Variants in PROP1 observed in about 807,000 individuals in gnomAD.
The protein encoded by PROP1 is PROP paired-like homeobox 1.
In PROP1, 12 loss-of-function variants were observed where a neutral mutation model predicts 22.3. That is an observed-to-expected ratio of 0.54 (90% CI 0.34 to 0.87). The LOEUF (loss-of-function observed/expected upper bound fraction) is 0.87. PROP1 is among the 40% of genes least tolerant of loss of function. The pLI is 0.01. For synonymous variants in PROP1, 112 were observed against 116.7 expected (o/e 0.96, Z 0.26); for missense variants, 278 against 295.1 (o/e 0.94, Z 0.43).
chr5:177,993,181 G>T, intron 2 of PROP1, 134 bp from the exon 3 acceptor site: 2 of 816,242 alleles, frequency 2.5e-6, no homozygotes, highest in East Asian at 5.3e-5. Context: ...TCTTCCACAA[G>T]GCTTGGCTGA....
At position 177,996,162 on chromosome 5, in the gene PROP1, C is replaced by G; in HGVS notation, c.-229G>C. The stretch of plus-strand genomic sequence containing the variant: ...CCCCCTTCCTTGGCTTGAGTGTCAG[C>G]TCAATCTCCTGCCTCAGCCTCACCT... On this transcript the variant is annotated 5_prime_UTR_variant, in exon 1 of 3. Transcript: ENST00000308304. The G allele has an allele frequency of 1.7e-6, 1 of 578,992 alleles. No homozygotes were observed. Among genetic ancestry groups the G allele is most frequent in the South Asian group, 2.0e-5 (1 of 49,698 alleles). The allele number at this position is 578,992 out of a possible 1,614,324, so 35.9% of individuals were successfully genotyped here. A position where few individuals can be genotyped will look rare whatever the true frequency, so the allele number is the denominator to read the frequency against.
chr5:177,992,681 G>A lies in PROP1; in HGVS notation c.*28C>T, dbSNP rs908056536. 4 of 1,487,002 alleles carry A rather than the reference G, an allele frequency of 2.7e-6. No individual in the cohort carries two copies. The African/African-American group carries it at 4.1e-5, about 15-fold the overall frequency. The allele number at this position is 1,487,002 out of a possible 1,614,324, so 92.1% of individuals were successfully genotyped here. On this transcript the variant is annotated 3_prime_UTR_variant, in exon 3 of 3. Transcript: ENST00000308304. ...TCTTTTCACGAGGGCCGCAGGCTGG[G>A]GATCACCTTGGTGGTACTTGTTTGA... is the stretch of plus-strand genomic sequence containing the variant.
chr5:177,992,917 G>T lies in PROP1; in HGVS notation c.473C>A (p.Ala158Glu), dbSNP rs1214818111. Residue 158 changes from alanine to glutamate, a missense_variant, in exon 3 of 3, where the codon GCA becomes GAA. Ala to Glu is a moderately radical substitution (Grantham distance 107). Coordinates refer to ENST00000308304, the MANE Select transcript of PROP1 (RefSeq NM_006261.5). ...PESTACPYSY[A>E]APPPPVTCFP... ...GCAGGTCACTGGTGGTGGTGGTGCT[G>T]CGTAAGAATAGGGGCAAGCAGTGGA... The T allele has an allele frequency of 6.2e-7, 1 of 1,613,764 alleles. No individual in the cohort carries two copies. The highest frequency in any genetic ancestry group is 8.5e-7 in the Non-Finnish European group (1 of 1,179,970).
At chr5:177,995,701 C>T (rs998154922) in intron 1 of PROP1, 124 bp downstream of exon 1, 3 of 775,134 alleles carry the variant, frequency 3.9e-6, no homozygotes, top group African/African-American at 3.4e-5. Flanking sequence ...AAGGTTCCCA[C>T]AGTTTTAACA....
At position 177,993,140 on chromosome 5, in the gene PROP1, G is replaced by T; in HGVS notation, c.343-93C>A. The T allele has an allele frequency of 5.4e-6, 6 of 1,112,134 alleles. 1 individual carries two copies. The South Asian group carries it at 6.6e-5, about 12-fold the overall frequency. 68.9% of individuals were successfully genotyped at this position (1,112,134 alleles called of 1,614,324 possible). A position where few individuals can be genotyped will look rare whatever the true frequency, so the allele number is the denominator to read the frequency against. On this transcript the variant is annotated intron_variant, in intron 2 of 2. Coordinates refer to ENST00000308304, the MANE Select transcript of PROP1 (RefSeq NM_006261.5). ...CAAGAGGTGCAGGGACAGGGAGCAG[G>T]CTTCTCCAGCATGGCCAGAGGGAGT...
chr5:177,995,454 G>A (rs866733586), intron 1 of PROP1, among the ~76,000 whole-genome samples: 1 of 151,938 alleles, frequency 6.6e-6, no homozygotes, highest in African/African-American at 2.4e-5. Flanking sequence ...CCACCATGGG[G>A]GACACACACA....
chr5:177,994,041 A>T (rs1755689226), intron 2 of PROP1, 65 bp downstream of exon 2: 1 of 1,564,190 alleles, frequency 6.4e-7, no homozygotes, highest in Admixed American at 1.7e-5. Context: ...AATGCCCAAC[A>T]TTCTATGATA....
chr5:177,992,502 T>A lies in PROP1; in HGVS notation c.*207A>T, dbSNP rs1582662632. The A allele has an allele frequency of 3.1e-5, 18 of 580,188 alleles. No individual in the cohort carries two copies. In the East Asian group the frequency reaches 5.0e-4, roughly 16 times the overall value. 35.9% of individuals were successfully genotyped at this position (580,188 alleles called of 1,614,324 possible). ...CTCCACCGAGGCATCTTGCCCTGTC[T>A]CTTCCAGTAGCTCACCTCCCCAGAC... On this transcript the variant is annotated 3_prime_UTR_variant, in exon 3 of 3. Transcript: ENST00000308304.
At position 177,992,843 on chromosome 5, in the gene PROP1, C is replaced by T. The variant is rs775621546; in HGVS notation, c.547G>A (p.Gly183Ser). The T allele has an allele frequency of 1.2e-5, 19 of 1,611,866 alleles. No homozygotes were observed. The highest frequency in any genetic ancestry group is 2.7e-5 in the African/African-American group (2 of 74,808). ...HALPSQPSTG[G>S]AFALSHQSED... is the part of the protein sequence containing the mutation. ...GACTGGTGTGACAAAGCAAAGGCGC[C>T]TCCTGTGGAGGGCTGGGAAGGGAGG... Residue 183 changes from glycine (G) to serine (S), a missense_variant, in exon 3 of 3, where the codon GGC (glycine) becomes AGC (serine). Transcript: ENST00000308304.
rs373160119 is a variant in PROP1 at position 177,994,199 on chromosome 5, C to T, written c.249G>A (p.Gln83=). 2.5e-6 allele frequency: 4 copies of T among 1,614,188 alleles called. No individual in the cohort carries two copies. The East Asian group carries it at 6.7e-5, about 27-fold the overall frequency. Residue 83 remains glutamine, a synonymous_variant, in exon 2 of 3, where the codon CAG becomes CAA. Coordinates refer to ENST00000308304, the MANE Select transcript of PROP1 (RefSeq NM_006261.5). ...GGTTCCTCCCAAAGGCTGACTCCAG[C>T]TGTTCCAACTGCACTGGGCTGAAGG... ...RTTFSPVQLE[Q]LESAFGRNQY... is the part of the protein sequence containing the mutation.
At chr5:177,993,299 G>A (rs1772698817) in intron 2 of PROP1, among the ~76,000 whole-genome samples, 1 of 152,190 alleles carries the variant, frequency 6.6e-6, no homozygotes, top group South Asian at 2.1e-4. Flanking sequence ...CCACCAAGGA[G>A]ATAAATATGG....
rs373656666 is a variant in PROP1 at position 177,994,334 on chromosome 5, C to G, written c.114G>C (p.Ser38=). 2 of 1,593,286 alleles carry G rather than the reference C, an allele frequency of 1.3e-6. No homozygotes were observed. The highest frequency in any genetic ancestry group is 2.3e-5 in the East Asian group (1 of 44,054). The change falls in exon 2 of 3, where the codon TCG becomes TCC. Residue 38 remains serine (S), a synonymous_variant. Transcript: ENST00000308304. ...GGAGCCTTCTGCAGGGTGGAGCACT[C>G]GAGTCTGAGAACGGAGAGAAGGGAG... ...ATGTPTTTVD[S]SAPPCRRLPG...
chr5:177,993,675 C>A (rs944516899), intron 2 of PROP1, among the ~76,000 whole-genome samples: 3 of 152,046 alleles, frequency 2.0e-5, no homozygotes, highest in South Asian at 2.1e-4. Context: ...GATTCTCCTG[C>A]CTCAGCCTCC....
intron 2 of PROP1, among the ~76,000 whole-genome samples, chr5:177,993,565 A>ATT (rs11371214): frequency 0.086 from 12,681 of 147,384 alleles, 679 homozygotes; most frequent in Middle Eastern, 0.2. Flanking sequence ...TGGCATCACT[A>ATT]TTTTTTTTTT....
intron 2 of PROP1, 103 bp downstream of exon 2, chr5:177,994,003 G>A: frequency 8.1e-7 from 1 of 1,239,688 alleles, no homozygotes; most frequent in Non-Finnish European, 1.2e-6. Flanking sequence ...TGAGGCCTGT[G>A]TCTGGTGACC....
At chr5:177,993,994 G>T in intron 2 of PROP1, 112 bp downstream of exon 2, 1 of 1,111,104 alleles carries the variant, frequency 9.0e-7, no homozygotes. Flanking sequence ...GTGGTGAGAT[G>T]AGGCCTGTGT....
rs1755702727 is a variant in PROP1 at position 177,994,311 on chromosome 5, A to G, written c.137T>C (p.Leu46Pro). The part of the protein sequence containing the change: ...VDSSAPPCRR[L>P]PGAGGGRSRF... Reference sequence around the variant, plus strand: ...TGATCTCCCCCCTCCTGCACCAGGGAGCCTTCTGCAGGGTGGAGCACTCGA... The same window carrying G: ...TGATCTCCCCCCTCCTGCACCAGGGGGCCTTCTGCAGGGTGGAGCACTCGA... Residue 46 changes from leucine (L) to proline (P), a missense_variant, in exon 2 of 3, where the codon CTC becomes CCC. By Grantham distance (98) the Leu-to-Pro change is moderately conservative. Coordinates refer to ENST00000308304, the MANE Select transcript of PROP1 (RefSeq NM_006261.5). 1 of 1,607,314 alleles carries G rather than the reference A, an allele frequency of 6.2e-7. No homozygotes were observed. Among genetic ancestry groups the G allele is most frequent in the Non-Finnish European group, 8.5e-7 (1 of 1,176,310 alleles).
At chr5:177,993,356 G>T (rs1373452517) in intron 2 of PROP1, among the ~76,000 whole-genome samples, 1 of 152,102 alleles carries the variant, frequency 6.6e-6, no homozygotes, top group Non-Finnish European at 1.5e-5. Context: ...TTTCCCCTAG[G>T]GTTAAGTTTA....
chr5:177,995,871 C>T lies in PROP1; in HGVS notation c.63G>A (p.Leu21=). The change falls in exon 1 of 3, where the codon CTG becomes CTA. Residue 21 remains leucine (L), a synonymous_variant. Coordinates refer to ENST00000308304, the MANE Select transcript of PROP1 (RefSeq NM_006261.5). ...CAGTGGCCGGGTGTCTCTCAGGCAA[C>T]AGGTTGCTGCCGACTCGCCCCTTCT... is the stretch of plus-strand genomic sequence containing the variant. ...KPKKGRVGSN[L]LPERHPATGT... is the part of the protein sequence containing the mutation. 2.5e-6 allele frequency: 4 copies of T among 1,614,076 alleles called. No individual in the cohort carries two copies. Among genetic ancestry groups the T allele is most frequent in the Non-Finnish European group, 3.4e-6 (4 of 1,180,034 alleles).
Sources: allele counts gnomAD v4.1 joint callset (sites outside exome capture counted in the v4.1 genomes callset), GRCh38; gene constraint gnomAD v4.1.1; transcripts MANE v1.5; gene names NCBI Gene and HGNC (gene_info 2026-07-23, HGNC 2026-07-21).